KCNIP1: variants seen among roughly 807,000 people sequenced by gnomAD.
KCNIP1 encodes the protein potassium voltage-gated channel interacting protein 1.
Under a neutral mutation model 33.0 loss-of-function variants are expected in KCNIP1, and 18 were observed. That is an observed-to-expected ratio of 0.55 (90% CI 0.38 to 0.81). The LOEUF (loss-of-function observed/expected upper bound fraction) is 0.81, where lower values mean the gene tolerates loss of function less well. Ranked by LOEUF, KCNIP1 falls within the 30% of genes least tolerant of loss-of-function variation. The pLI, the probability that KCNIP1 is intolerant of heterozygous loss-of-function variation, is 0.00. For synonymous variants in KCNIP1, 93 were observed against 98.3 expected (o/e 0.95, Z 0.32); for missense variants, 238 against 271.6 (o/e 0.88, Z 0.87).
At chr5:170,458,275 G>A (rs755888907) in intron 1 of KCNIP1, among the ~76,000 whole-genome samples, 1 of 152,102 alleles carries the variant, frequency 6.6e-6, no homozygotes, top group South Asian at 2.1e-4. Context: ...AAACATATTC[G>A]GGGGAATAAT....
intron 1 of KCNIP1, among the ~76,000 whole-genome samples, chr5:170,594,753 C>T (rs560614501): frequency 5.3e-4 from 81 of 152,262 alleles, no homozygotes; most frequent in African/African-American, 1.6e-3. Context: ...TCAGGTGATC[C>T]ACCCCACTCT....
At chr5:170,427,292 T>C (rs10077474) in intron 1 of KCNIP1, among the ~76,000 whole-genome samples, 20,440 of 152,158 alleles carry the variant, frequency 0.13, 2,098 homozygotes, top group African/African-American at 0.27. Context: ...TCCTGCGGCC[T>C]CCAACGACCA....
chr5:170,661,113 A>T (rs553692389), intron 1 of KCNIP1, among the ~76,000 whole-genome samples: 1 of 152,254 alleles, frequency 6.6e-6, no homozygotes, highest in East Asian at 1.9e-4. Flanking sequence ...GATATGTTTG[A>T]TCACCCTGTC....
At chr5:170,515,113 A>C (rs1755074756) in intron 1 of KCNIP1, among the ~76,000 whole-genome samples, 1 of 152,176 alleles carries the variant, frequency 6.6e-6, no homozygotes, top group East Asian at 1.9e-4. Flanking sequence ...CAGTGTTCAC[A>C]CCAGCTTTGG....
At position 170,521,354 on chromosome 5, in the gene KCNIP1, T is replaced by C. The variant is rs371520858; in HGVS notation, c.61+16721T>C. Among the ~76,000 whole-genome samples the C allele has an allele frequency of 2.0e-4, 30 of 152,372 alleles. No individual in the cohort carries two copies. In the South Asian group the frequency reaches 5.6e-3, roughly 28 times the overall value. ...ATTCTAGTTCTCACCAAGTCCATGT[T>C]CACTGCTCCATCTGCTCAGTGCAGG... is the stretch of plus-strand genomic sequence containing the variant. On this transcript the variant is annotated intron_variant, in intron 1 of 7. Transcript: ENST00000328939.
intron 1 of KCNIP1, among the ~76,000 whole-genome samples, chr5:170,624,752 GA>G (rs1759757730): frequency 1.7e-5 from 2 of 120,104 alleles, no homozygotes; most frequent in Admixed American, 8.3e-5. Flanking sequence ...GAGGGGAGGG[GA>G]GGAGAGGGGA....
intron 1 of KCNIP1, among the ~76,000 whole-genome samples, chr5:170,492,965 G>A (rs1382945654): frequency 6.6e-6 from 1 of 152,062 alleles, no homozygotes; most frequent in African/African-American, 2.4e-5. Context: ...GGCCAGGATG[G>A]TATTGATTCC....
chr5:170,728,312 A>G (rs1296889818), intron 5 of KCNIP1, among the ~76,000 whole-genome samples: 1 of 152,230 alleles, frequency 6.6e-6, no homozygotes, highest in African/African-American at 2.4e-5. Flanking sequence ...GTCAGACATC[A>G]CCACTGTTTA....
In KCNIP1 at chr5:170,692,776, T is replaced by G. The variant is rs185109718; in HGVS notation, c.62-25982T>G. 2.6e-3 allele frequency among the ~76,000 whole-genome samples: 398 copies of G among 152,306 alleles called. 5 individuals carry two copies. Among genetic ancestry groups the G allele is most frequent in the Non-Finnish European group, 1.7e-3 (117 of 68,018 alleles). ...TCTGAAAATCTGAATATGGGGAGCA[T>G]GGATATGCTTATATGTTGGTTAAAC... On this transcript the variant is annotated intron_variant, in intron 1 of 7. Transcript: ENST00000328939.
intron 1 of KCNIP1, among the ~76,000 whole-genome samples, chr5:170,379,172 C>T (rs1258354477): frequency 1.3e-5 from 2 of 152,098 alleles, no homozygotes; most frequent in African/African-American, 2.4e-5. Flanking sequence ...GTGTGGATGG[C>T]GGTGCTGGAG....
At chr5:170,390,517 A>AAAAATAT in intron 1 of KCNIP1, among the ~76,000 whole-genome samples, 12 of 74,542 alleles carry the variant, frequency 1.6e-4, no homozygotes, top group Non-Finnish European at 2.0e-4. Flanking sequence ...AAAAAAAACA[A>AAAAATAT]ATATATATAT....
At chr5:170,673,695 G>A (rs1163904992) in intron 1 of KCNIP1, among the ~76,000 whole-genome samples, 1 of 152,152 alleles carries the variant, frequency 6.6e-6, no homozygotes, top group Non-Finnish European at 1.5e-5. Context: ...CTCTTATATG[G>A]AAGGACTGAA....
intron 1 of KCNIP1, among the ~76,000 whole-genome samples, chr5:170,601,947 G>A (rs1473491352): frequency 2.0e-5 from 3 of 152,152 alleles, no homozygotes; most frequent in Non-Finnish European, 2.9e-5. Flanking sequence ...GCCAGAAACC[G>A]AGATGGTGCC....
chr5:170,495,761 G>T (rs906174145), intron 1 of KCNIP1, among the ~76,000 whole-genome samples: 5 of 152,210 alleles, frequency 3.3e-5, no homozygotes, highest in Non-Finnish European at 5.9e-5. Context: ...GCGGCAGGTT[G>T]TGTGGTCACA....
chr5:170,390,268 T>C (rs991852294), intron 1 of KCNIP1, among the ~76,000 whole-genome samples: 1 of 151,934 alleles, frequency 6.6e-6, no homozygotes, highest in Non-Finnish European at 1.5e-5. Flanking sequence ...CACTTTGGGA[T>C]GCCAAGGTAG....
intron 1 of KCNIP1, among the ~76,000 whole-genome samples, chr5:170,463,095 C>T (rs923418856): frequency 3.3e-5 from 5 of 152,094 alleles, no homozygotes; most frequent in Admixed American, 2.6e-4. Flanking sequence ...AACAAAACAT[C>T]ACCTGTTCCC....
chr5:170,642,508 T>G (rs1760608497), intron 1 of KCNIP1, among the ~76,000 whole-genome samples: 1 of 152,166 alleles, frequency 6.6e-6, no homozygotes, highest in African/African-American at 2.4e-5. Flanking sequence ...AGCAGCACGG[T>G]GCCTCCATCA....
At chr5:170,670,961 C>T (rs1761899410) in intron 1 of KCNIP1, among the ~76,000 whole-genome samples, 1 of 151,510 alleles carries the variant, frequency 6.6e-6, no homozygotes, top group African/African-American at 2.4e-5. Flanking sequence ...GAACCTGACA[C>T]ATGGTCCAGG....
At chr5:170,537,060 G>A (rs1250998921) in intron 1 of KCNIP1, among the ~76,000 whole-genome samples, 2 of 152,176 alleles carry the variant, frequency 1.3e-5, no homozygotes, top group South Asian at 2.1e-4. Context: ...ACTCTCCCGG[G>A]ACACCCCCTC....
Sources: gnomAD v4.1 joint callset for allele counts (sites outside exome capture counted in the v4.1 genomes callset) on GRCh38, gnomAD v4.1.1 for gene constraint, MANE v1.5 for transcripts, NCBI Gene and HGNC (gene_info 2026-07-23, HGNC 2026-07-21) for gene names.